Variants in ERAP1 observed in about 807,000 individuals in gnomAD.
The protein encoded by ERAP1 is adipocyte-derived leucine aminopeptidase.
Under a neutral mutation model 103.7 loss-of-function variants are expected in ERAP1, and 86 were observed. The ratio of observed to expected loss-of-function variants is 0.83; its 90% confidence interval spans 0.70 to 0.99. ERAP1 has a LOEUF of 0.99. ERAP1 is among the 50% of genes least tolerant of loss of function. The pLI is 0.00. For missense variants in ERAP1, 1,009 were observed against 1,128.4 expected (o/e 0.89, Z 1.52); for synonymous variants, 398 against 402.4 (o/e 0.99, Z 0.13).
intron 18 of ERAP1, among the ~76,000 whole-genome samples, chr5:96,778,818 G>A (rs1405957240): frequency 6.6e-6 from 1 of 152,230 alleles, no homozygotes; most frequent in Non-Finnish European, 1.5e-5. Context: ...AAGTGCGCAA[G>A]ATCCAGTGCA....
the ERAP1 span, chr5:96,873,186 CA>C: frequency 0.082 from 24,222 of 293,768 alleles, 3 homozygotes; most frequent in South Asian, 0.13. Flanking sequence ...GAGACTTTGT[CA>C]AAAAAAAAAA....
intron 17 of ERAP1, 75 bp downstream of exon 17, chr5:96,780,983 T>C: frequency 1.3e-6 from 2 of 1,563,208 alleles, no homozygotes; most frequent in Middle Eastern, 1.7e-4. Context: ...TACTGTTCTT[T>C]TACAAACAGC....
the ERAP1 span, chr5:96,934,129 T>C: frequency 6.6e-6 from 1 of 152,220 alleles, no homozygotes; most frequent in African/African-American, 2.4e-5. Flanking sequence ...TACCCAGGCA[T>C]TGGGGATACA....
rs1451531179 is a variant in ERAP1 at position 96,781,758 on chromosome 5, G to A, written c.2382C>T (p.Ser794=). 1.2e-6 allele frequency: 2 copies of A among 1,614,000 alleles called. No individual in the cohort carries two copies. The highest frequency in any genetic ancestry group is 8.5e-7 in the Non-Finnish European group (1 of 1,180,030). ...FLYSKYQFSL[S]STEKSQIEFA... ...ATTCAATTTGGCTTTTCTCAGTACTGGACAAAGAAAACTGATATTTACTAT... is the reference window on the plus strand; with the variant it reads ...ATTCAATTTGGCTTTTCTCAGTACTAGACAAAGAAAACTGATATTTACTAT... The change falls in exon 16 of 19, where the codon TCC becomes TCT. Residue 794 remains serine (S), a synonymous_variant. Transcript: ENST00000443439.
At chr5:96,881,985 C>T in the ERAP1 span, among the ~76,000 whole-genome samples, 1 of 90,706 alleles carries the variant, frequency 1.1e-5, no homozygotes, top group African/African-American at 4.4e-5. Context: ...AAATGGGTAT[C>T]AGGAAGTGAC....
At position 96,776,565 on chromosome 5, in the gene ERAP1, A is replaced by T; in HGVS notation, c.2671-14T>A. ...GAATCCTTTTACCTTGTGAGGAAAA[A>T]GTGGGTTTTAAAAAATTAATTTTAT... On this transcript the variant is annotated splice_polypyrimidine_tract_variant and intron_variant, in intron 18 of 18. Coordinates refer to ENST00000443439, the MANE Select transcript of ERAP1 (RefSeq NM_001040458.3). The T allele has an allele frequency of 6.2e-7, 1 of 1,612,728 alleles. No homozygotes were observed. Among genetic ancestry groups the T allele is most frequent in the Non-Finnish European group, 8.5e-7 (1 of 1,179,782 alleles).
chr5:96,906,790 G>A, the ERAP1 span, among the ~76,000 whole-genome samples: 6 of 152,312 alleles, frequency 3.9e-5, no homozygotes, highest in East Asian at 3.9e-4. Context: ...CCAGTACTTC[G>A]TGAGGCCAAG....
upstream of ERAP1, among the ~76,000 whole-genome samples, chr5:96,810,505 C>G (rs1389324455): frequency 1.3e-5 from 2 of 152,172 alleles, no homozygotes; most frequent in Non-Finnish European, 2.9e-5. Flanking sequence ...CGGCAACTTG[C>G]TCAGAGTCAA....
At chr5:96,781,230 T>C (rs899402440) in intron 16 of ERAP1, 32 bp from the exon 17 acceptor site, 3 of 1,603,456 alleles carry the variant, frequency 1.9e-6, no homozygotes, top group Non-Finnish European at 2.6e-6. Flanking sequence ...ATGTTAGCAA[T>C]GAATAGGTGA....
rs1192444943 is a variant in ERAP1, at chr5:96,776,180, G to T, written c.*216C>A. ...CAGGGAACCCAACACTTGGGTTTAC[G>T]TTGCAGGGCAACACCTGTGATGAAC... On this transcript the variant is annotated 3_prime_UTR_variant, in exon 19 of 19. Transcript: ENST00000443439. The T allele has an allele frequency of 6.6e-7, 1 of 1,508,122 alleles. No individual in the cohort carries two copies. Among genetic ancestry groups the T allele is most frequent in the Non-Finnish European group, 8.9e-7 (1 of 1,128,760 alleles). 93.4% of individuals were successfully genotyped at this position (1,508,122 alleles called of 1,614,324 possible).
chr5:96,904,625 G>C, the ERAP1 span, among the ~76,000 whole-genome samples: 1 of 152,198 alleles, frequency 6.6e-6, no homozygotes, highest in Admixed American at 6.5e-5. Flanking sequence ...TAAGAAGCAA[G>C]CTATTGCTAG....
At chr5:96,876,548 T>C in the ERAP1 span, 1 of 152,316 alleles carries the variant, frequency 6.6e-6, no homozygotes, top group South Asian at 2.1e-4. Context: ...AACATTTCTC[T>C]TGGGTTTGTC....
At chr5:96,894,424 A>G in the ERAP1 span, among the ~76,000 whole-genome samples, 1 of 152,196 alleles carries the variant, frequency 6.6e-6, no homozygotes, top group Non-Finnish European at 1.5e-5. Context: ...TTCTGTAACT[A>G]TAACCAGGCT....
At chr5:96,806,498 A>G (rs1778606295) in intron 1 of ERAP1, among the ~76,000 whole-genome samples, 1 of 152,220 alleles carries the variant, frequency 6.6e-6, no homozygotes, top group Non-Finnish European at 1.5e-5. Context: ...ATTCTCATTC[A>G]AGGTGGGGTA....
At chr5:96,760,939 C>T (rs192294633) in exon 20 of ERAP1, 9 of 151,962 alleles carry the variant, frequency 5.9e-5, no homozygotes, top group African/African-American at 2.2e-4. Flanking sequence ...TTTTTCAGTA[C>T]TTTTAGGTAA....
chr5:96,870,860 C>T, the ERAP1 span, among the ~76,000 whole-genome samples: 40,200 of 152,054 alleles, frequency 0.26, 6,435 homozygotes, highest in East Asian at 0.57. Flanking sequence ...ACACTCTACC[C>T]ATTGGCCCAT....
At chr5:96,897,165 A>G in the ERAP1 span, among the ~76,000 whole-genome samples, 1 of 152,198 alleles carries the variant, frequency 6.6e-6, no homozygotes, top group Non-Finnish European at 1.5e-5. Context: ...AATTTCTACC[A>G]TATAACACCT....
At chr5:96,908,734 T>A in the ERAP1 span, among the ~76,000 whole-genome samples, 3 of 152,196 alleles carry the variant, frequency 2.0e-5, no homozygotes, top group Non-Finnish European at 2.9e-5. Context: ...ATGAGGAAGA[T>A]AGTATTATTA....
chr5:96,765,170 C>G, intron 19 of ERAP1: 1 of 1,063,876 alleles, frequency 9.4e-7, no homozygotes, highest in African/African-American at 1.6e-5. Flanking sequence ...TAATTTGCCT[C>G]TGATACAGTT....
Sources: allele counts gnomAD v4.1 joint callset (sites outside exome capture counted in the v4.1 genomes callset), GRCh38; gene constraint gnomAD v4.1.1; transcripts MANE v1.5; gene names NCBI Gene and HGNC (gene_info 2026-07-23, HGNC 2026-07-21).